The following ACTR3C variants were observed in gnomAD, a reference collection of about 807,000 sequenced individuals.
ACTR3C encodes actin related protein 3C, also known as actin-related protein 3C.
ACTR3C carries 18 observed loss-of-function variants against 26.3 expected under a neutral mutation model. The observed-to-expected ratio is 0.68, with a 90% CI of 0.47 to 1.01. The LOEUF is 1.01. ACTR3C is among the 50% of genes least tolerant of loss of function. The pLI, the probability that ACTR3C is intolerant of heterozygous loss-of-function variation, is 0.00. For synonymous variants in ACTR3C, 55 were observed against 94.5 expected, an observed-to-expected ratio of 0.58 and a Z score of 2.42; for missense variants, 184 against 250.7, an observed-to-expected ratio of 0.73 and a Z score of 1.80.
chr7:150,048,691 C>T, the ACTR3C span, among the ~76,000 whole-genome samples: 2 of 152,094 alleles, frequency 1.3e-5, no homozygotes, highest in Non-Finnish European at 2.9e-5. Context: ...GCGCCCCCAG[C>T]TCTTCTTGCC....
chr7:150,155,628 C>G, the ACTR3C span, among the ~76,000 whole-genome samples: 2 of 148,654 alleles, frequency 1.3e-5, no homozygotes, highest in Non-Finnish European at 3.0e-5. Flanking sequence ...CTTCTAGTGT[C>G]CTGTGCCTCT....
intron 1 of ACTR3C, among the ~76,000 whole-genome samples, chr7:150,303,898 T>C (rs549110982): frequency 4.6e-5 from 7 of 152,296 alleles, no homozygotes; most frequent in Admixed American, 2.6e-4. Context: ...TACACAAACA[T>C]TTTTATTCAT....
chr7:150,213,044 C>G, the ACTR3C span, among the ~76,000 whole-genome samples: 5 of 151,572 alleles, frequency 3.3e-5, no homozygotes, highest in African/African-American at 1.2e-4. Flanking sequence ...TACCAATGGT[C>G]AGGATGAGGG....
intron 4 of ACTR3C, among the ~76,000 whole-genome samples, chr7:150,287,430 G>T (rs1835878472): frequency 6.6e-6 from 1 of 152,156 alleles, no homozygotes; most frequent in African/African-American, 2.4e-5. Context: ...GCAGCCTGAG[G>T]GATGCGAAGT....
chr7:150,233,702 T>TTCTTACA, the ACTR3C span, among the ~76,000 whole-genome samples: 2 of 150,476 alleles, frequency 1.3e-5, no homozygotes, highest in Non-Finnish European at 2.9e-5. Context: ...TCCATCACTC[T>TTCTTACA]TCTTACATTA....
the ACTR3C span, among the ~76,000 whole-genome samples, chr7:150,198,320 A>G: frequency 7.2e-6 from 1 of 139,510 alleles, no homozygotes; most frequent in Non-Finnish European, 1.5e-5. Flanking sequence ...CTGGGATGTG[A>G]GGAGCCTCTC....
the ACTR3C span, among the ~76,000 whole-genome samples, chr7:149,952,132 T>A: frequency 0.023 from 3,518 of 150,904 alleles, 132 homozygotes; most frequent in African/African-American, 0.082. Context: ...TAGGGCCCCA[T>A]CCTTATGACA....
chr7:150,019,593 AAATAAAAATAATAATAAT>A, the ACTR3C span, among the ~76,000 whole-genome samples: 14 of 124,494 alleles, frequency 1.1e-4, no homozygotes, highest in African/African-American at 3.8e-4. Flanking sequence ...TCTGTCTCAA[AAATAAAAATAATAATAAT>A]AATAATAATA....
At chr7:149,928,097 A>G in the ACTR3C span, among the ~76,000 whole-genome samples, 3 of 152,198 alleles carry the variant, frequency 2.0e-5, no homozygotes, top group Non-Finnish European at 2.9e-5. Context: ...GCAAAATTAC[A>G]TATGCATTTT....
the ACTR3C span, among the ~76,000 whole-genome samples, chr7:150,097,346 A>AT: frequency 4.6e-5 from 7 of 151,566 alleles, no homozygotes; most frequent in East Asian, 9.7e-4. Context: ...CACAGGTTTC[A>AT]TTTTTTTTCC....
chr7:150,175,366 G>A, the ACTR3C span, among the ~76,000 whole-genome samples: 1 of 142,144 alleles, frequency 7.0e-6, no homozygotes. Context: ...AAAATCACTT[G>A]GTACAAATAA....
the ACTR3C span, among the ~76,000 whole-genome samples, chr7:150,036,955 A>G: frequency 1.4e-5 from 1 of 71,540 alleles, no homozygotes; most frequent in Non-Finnish European, 3.2e-5. Flanking sequence ...TGGGGGAACC[A>G]GGGGCTGGCT....
intron 6 of ACTR3C, among the ~76,000 whole-genome samples, chr7:150,281,314 A>T (rs561541386): frequency 2.0e-4 from 31 of 151,498 alleles, no homozygotes; most frequent in African/African-American, 6.1e-4. Flanking sequence ...AATTATTTTT[A>T]AAAACCCACA....
chr7:150,221,480 T>C, the ACTR3C span, among the ~76,000 whole-genome samples: 1 of 152,184 alleles, frequency 6.6e-6, no homozygotes, highest in African/African-American at 2.4e-5. Context: ...AAGGGCACGT[T>C]AGGATACAGC....
chr7:150,041,915 G>GC, the ACTR3C span, among the ~76,000 whole-genome samples: 1 of 150,978 alleles, frequency 6.6e-6, no homozygotes, highest in Non-Finnish European at 1.5e-5. Flanking sequence ...AGAGCCAGGG[G>GC]GGGAAGAGGG....
chr7:150,075,511 G>A, the ACTR3C span, among the ~76,000 whole-genome samples: 1 of 152,174 alleles, frequency 6.6e-6, no homozygotes, highest in Admixed American at 6.5e-5. Context: ...ATCAGGTGAT[G>A]TAATTAGCCC....
chr7:149,984,053 C>T, the ACTR3C span, among the ~76,000 whole-genome samples: 3,352 of 152,172 alleles, frequency 0.022, 125 homozygotes, highest in African/African-American at 0.075. Flanking sequence ...ACTGTGCTTT[C>T]AGTTAACAAG....
At chr7:150,118,879 C>T in the ACTR3C span, among the ~76,000 whole-genome samples, 9 of 148,282 alleles carry the variant, frequency 6.1e-5, no homozygotes, top group Middle Eastern at 3.4e-3. Flanking sequence ...AGACTAACAG[C>T]GGATCTCTCT....
chr7:150,277,507 C>T (rs1370656293), intron 6 of ACTR3C, among the ~76,000 whole-genome samples: 1 of 152,178 alleles, frequency 6.6e-6, no homozygotes, highest in African/African-American at 2.4e-5. Context: ...TCTGTGAGCA[C>T]ACCTTTGGTC....
Sources: gnomAD v4.1 joint callset for allele counts (sites outside exome capture counted in the v4.1 genomes callset) on GRCh38, gnomAD v4.1.1 for gene constraint, MANE v1.5 for transcripts, NCBI Gene and HGNC (gene_info 2026-07-23, HGNC 2026-07-21) for gene names.